Variants in ANO3 observed in about 807,000 individuals in gnomAD.
ANO3 encodes the protein anoctamin 3.
ANO3 carries 99 observed loss-of-function variants against 144.8 expected under a neutral mutation model. The ratio of observed to expected loss-of-function variants is 0.68; its 90% confidence interval spans 0.58 to 0.81. The LOEUF (loss-of-function observed/expected upper bound fraction) is 0.81, where lower values mean the gene tolerates loss of function less well. Among genes scored for constraint, ANO3 ranks in the 30% least tolerant of loss-of-function variants. ANO3 has a pLI of 0.00. For missense variants in ANO3, 905 were observed against 1,202.2 expected (o/e 0.75, Z 3.66); for synonymous variants, 414 against 392.6 (o/e 1.05, Z -0.64).
intron 1 of ANO3, among the ~76,000 whole-genome samples, chr11:26,415,457 C>A (rs1235320200): frequency 6.6e-6 from 1 of 151,934 alleles, no homozygotes; most frequent in African/African-American, 2.4e-5. Context: ...AAAGTAATGT[C>A]AATGAAAATG....
chr11:26,498,933 C>G (rs569338215), intron 4 of ANO3, among the ~76,000 whole-genome samples: 26 of 151,884 alleles, frequency 1.7e-4, no homozygotes, highest in Non-Finnish European at 1.8e-4. Flanking sequence ...AGCATCCCTT[C>G]GATGGATGTA....
chr11:26,640,888 C>T (rs933780429), intron 21 of ANO3, among the ~76,000 whole-genome samples: 1 of 152,126 alleles, frequency 6.6e-6, no homozygotes, highest in Non-Finnish European at 1.5e-5. Flanking sequence ...ATAAGCAGAT[C>T]GCCTCAACTC....
intron 21 of ANO3, among the ~76,000 whole-genome samples, chr11:26,640,243 A>T (rs987092344): frequency 1.9e-4 from 29 of 152,154 alleles, no homozygotes; most frequent in African/African-American, 6.8e-4. Context: ...TTTTTAGTCC[A>T]TTTATAAAAT....
intron 1 of ANO3, among the ~76,000 whole-genome samples, chr11:26,416,180 GT>G (rs1008183516): frequency 6.6e-5 from 10 of 151,880 alleles, no homozygotes; most frequent in Admixed American, 5.3e-4. Flanking sequence ...ATTTTAGGCA[GT>G]TTTTTTGTTG....
At chr11:26,494,512 C>G (rs1202156185) in intron 4 of ANO3, among the ~76,000 whole-genome samples, 1 of 152,080 alleles carries the variant, frequency 6.6e-6, no homozygotes, top group African/African-American at 2.4e-5. Flanking sequence ...CTCATATTGT[C>G]CCCACAAAAT....
chr11:26,569,013 G>T (rs1001119511), intron 14 of ANO3, among the ~76,000 whole-genome samples: 9 of 151,980 alleles, frequency 5.9e-5, no homozygotes, highest in African/African-American at 1.7e-4. Context: ...CCAGTGGGGG[G>T]AAAAATGTCC....
At chr11:26,373,297 T>TCCCCCATG (rs1254644624) in intron 1 of ANO3, among the ~76,000 whole-genome samples, 2 of 152,208 alleles carry the variant, frequency 1.3e-5, no homozygotes, top group Non-Finnish European at 2.9e-5. Flanking sequence ...TGGGGACGGT[T>TCCCCCATG]CCCCCATGCT....
intron 14 of ANO3, among the ~76,000 whole-genome samples, chr11:26,582,937 A>T (rs1322555643): frequency 1.3e-5 from 2 of 152,332 alleles, no homozygotes; most frequent in East Asian, 1.9e-4. Context: ...AGAAAAATTA[A>T]TATTGTGCTT....
At chr11:26,507,776 T>A (rs1861494089) in intron 4 of ANO3, among the ~76,000 whole-genome samples, 1 of 152,228 alleles carries the variant, frequency 6.6e-6, no homozygotes, top group African/African-American at 2.4e-5. Flanking sequence ...AATAAAATAG[T>A]AAATAAGTAA....
chr11:26,338,224 G>C (rs1230800943), intron 1 of ANO3, among the ~76,000 whole-genome samples: 1 of 152,146 alleles, frequency 6.6e-6, no homozygotes, highest in African/African-American at 2.4e-5. Flanking sequence ...TGGGAACTTG[G>C]AGAACTTTTC....
chr11:26,560,995 G>T, intron 14 of ANO3: 1 of 1,465,050 alleles, frequency 6.8e-7, no homozygotes, highest in South Asian at 1.3e-5. Flanking sequence ...GTAACCTTTT[G>T]AAAGATGAAT....
chr11:26,642,935 G>A (rs1853217718), intron 22 of ANO3, among the ~76,000 whole-genome samples: 1 of 151,812 alleles, frequency 6.6e-6, no homozygotes, highest in South Asian at 2.1e-4. Flanking sequence ...TTATATAGAG[G>A]TGGAAAGCCC....
rs141900098 is a variant in ANO3 at position 26,598,423 on chromosome 11, C to T, written c.1506C>T (p.Asp502=). 147 of 1,591,098 alleles carry T rather than the reference C, an allele frequency of 9.2e-5. No individual in the cohort carries two copies. Among genetic ancestry groups the T allele is most frequent in the Non-Finnish European group, 1.2e-4 (143 of 1,169,710 alleles). ...RRRSILTYTW[D]LIEWEEEEET... ...GGAGTATACTGACCTATACTTGGGA[C>T]CTTATCGAATGGGAAGAAGAGGAGG... is the stretch of plus-strand genomic sequence containing the variant. Residue 502 remains aspartate, a synonymous_variant, in exon 15 of 27, where the codon GAC becomes GAT. Transcript: ENST00000256737.
At chr11:26,537,657 C>T (rs901006847) in intron 10 of ANO3, among the ~76,000 whole-genome samples, 196 bp downstream of exon 10, 17 of 152,160 alleles carry the variant, frequency 1.1e-4, no homozygotes, top group Non-Finnish European at 1.8e-4. Flanking sequence ...CTTCAATTTG[C>T]CCCATACTGG....
upstream of ANO3, among the ~76,000 whole-genome samples, chr11:26,330,953 G>A (rs1855022390): frequency 6.6e-6 from 1 of 152,180 alleles, no homozygotes; most frequent in African/African-American, 2.4e-5. Flanking sequence ...GGACTCTCAC[G>A]ATGTGTCTGT....
intron 1 of ANO3, among the ~76,000 whole-genome samples, chr11:26,322,123 C>A (rs1168904906): frequency 6.6e-6 from 1 of 152,028 alleles, no homozygotes; most frequent in African/African-American, 2.4e-5. Flanking sequence ...TTATGTACCG[C>A]ATTTTTTTAG....
chr11:26,234,420 C>G (rs1852470395), intron 1 of ANO3, among the ~76,000 whole-genome samples: 1 of 152,130 alleles, frequency 6.6e-6, no homozygotes, highest in Non-Finnish European at 1.5e-5. Flanking sequence ...AGACAATTAC[C>G]TTGATATGGT....
At chr11:26,321,211 A>G (rs1157972512) in intron 1 of ANO3, among the ~76,000 whole-genome samples, 2 of 152,046 alleles carry the variant, frequency 1.3e-5, no homozygotes, top group African/African-American at 2.4e-5. Context: ...TCCCTCCCCA[A>G]TAAAAGGAAA....
intron 5 of ANO3, among the ~76,000 whole-genome samples, chr11:26,510,132 CAA>C (rs67543168): frequency 0.016 from 722 of 46,548 alleles, 7 homozygotes; most frequent in African/African-American, 0.05. Context: ...GACTCCATCT[CAA>C]AAAAAAAAAA....
Sources: allele counts gnomAD v4.1 joint callset (sites outside exome capture counted in the v4.1 genomes callset), GRCh38; gene constraint gnomAD v4.1.1; transcripts MANE v1.5; gene names NCBI Gene and HGNC (gene_info 2026-07-23, HGNC 2026-07-21).